PRUNE1: variants seen among roughly 807,000 people sequenced by gnomAD.
The protein encoded by PRUNE1 is exopolyphosphatase PRUNE1.
Under a neutral mutation model 42.5 loss-of-function variants are expected in PRUNE1, and 25 were observed. The ratio of observed to expected loss-of-function variants is 0.59; its 90% CI spans 0.43 to 0.82. PRUNE1 has a LOEUF of 0.82. Among genes scored for constraint, PRUNE1 ranks in the 40% least tolerant of loss-of-function variants. The pLI, the probability that PRUNE1 is intolerant of heterozygous loss-of-function variation, is 0.00. For missense variants in PRUNE1, 443 were observed against 539.3 expected, an observed-to-expected ratio of 0.82 and a Z score of 1.77; for synonymous variants, 203 against 217.1, an observed-to-expected ratio of 0.93 and a Z score of 0.57.
intron 3 of PRUNE1, among the ~76,000 whole-genome samples, chr1:151,020,709 C>T (rs779957655): frequency 4.0e-5 from 6 of 151,354 alleles, no homozygotes; most frequent in South Asian, 2.1e-4. Flanking sequence ...AGGCCAGGCG[C>T]GGTGGCTCAT....
intron 1 of PRUNE1, among the ~76,000 whole-genome samples, chr1:151,010,745 T>A (rs903699190): frequency 2.6e-5 from 4 of 151,386 alleles, no homozygotes; most frequent in African/African-American, 9.7e-5. Context: ...AACCTCCACT[T>A]CCCGAATTCA....
At position 151,024,691 on chromosome 1, in the gene PRUNE1, A is replaced by C; in HGVS notation, c.416A>C (p.His139Pro). The change falls in exon 4 of 8, where the codon CAT (histidine) becomes CCT (proline). Residue 139 changes from histidine (H) to proline (P), a missense_variant. Physicochemically the swap from His to Pro is moderately conservative, Grantham distance 77. Coordinates refer to ENST00000271620, the MANE Select transcript of PRUNE1 (RefSeq NM_021222.3). ...GAGCCGAAACACTGCCCTCCCTGCC[A>C]TGTTTCAGTTGAGCTGGTGGGGTCC... The part of the protein sequence containing the change: ...PIEPKHCPPC[H>P]VSVELVGSCA... 1 of 1,614,004 alleles carries C rather than the reference A, an allele frequency of 6.2e-7. No individual in the cohort carries two copies. The highest frequency in any genetic ancestry group is 8.5e-7 in the Non-Finnish European group (1 of 1,179,936).
At chr1:151,024,846 A>G (rs993583513) in intron 4 of PRUNE1, 51 bp downstream of exon 4, 2 of 1,534,078 alleles carry the variant, frequency 1.3e-6, no homozygotes, top group African/African-American at 2.7e-5. Context: ...CCTGTCCCTG[A>G]GAAGGGAGGG....
intron 3 of PRUNE1, among the ~76,000 whole-genome samples, chr1:151,021,332 G>T (rs1411765506): frequency 2.0e-5 from 3 of 151,688 alleles, no homozygotes; most frequent in Admixed American, 2.0e-4. Flanking sequence ...GCACATGCCT[G>T]TAATCCCAGC....
chr1:151,033,469 C>T (rs1381536341), intron 7 of PRUNE1, among the ~76,000 whole-genome samples: 1 of 149,110 alleles, frequency 6.7e-6, no homozygotes. Context: ...CCGCTCACTG[C>T]AAGCTCCGCC....
intron 3 of PRUNE1, among the ~76,000 whole-genome samples, chr1:151,021,016 C>T (rs1207207471): frequency 2.0e-5 from 3 of 151,082 alleles, no homozygotes; most frequent in African/African-American, 7.3e-5. Context: ...CGTGGTGGCT[C>T]GCGCCTGTAA....
At chr1:151,019,588 A>G (rs1252556284) in intron 3 of PRUNE1, among the ~76,000 whole-genome samples, 1 of 150,312 alleles carries the variant, frequency 6.7e-6, no homozygotes, top group Non-Finnish European at 1.5e-5. Flanking sequence ...TCTGAGACAG[A>G]TTTATTGTAA....
chr1:151,023,140 G>T (rs1674580129), intron 3 of PRUNE1, among the ~76,000 whole-genome samples: 1 of 152,170 alleles, frequency 6.6e-6, no homozygotes, highest in South Asian at 2.1e-4. Flanking sequence ...TTTTATTTTA[G>T]GCCGTGGGGA....
Position 151,027,276 on chromosome 1 carries a change from C to T in PRUNE1, c.723C>T (p.Ile241=). Residue 241 remains isoleucine (I), a synonymous_variant, in exon 6 of 8, where the codon ATC becomes ATT. Transcript: ENST00000271620. ...EQMLRKDQKT[I]YRQGVKVAIS... ...TGCTGAGAAAAGACCAGAAGACTATCTATAGACAAGGCGTCAAGGTGGCCA... is the reference window on the plus strand; with the variant it reads ...TGCTGAGAAAAGACCAGAAGACTATTTATAGACAAGGCGTCAAGGTGGCCA... 6.2e-7 allele frequency: 1 copy of T among 1,611,890 alleles called. No homozygotes were observed. Among genetic ancestry groups the T allele is most frequent in the Non-Finnish European group, 8.5e-7 (1 of 1,178,098 alleles).
At chr1:151,026,447 A>G in intron 5 of PRUNE1, among the ~76,000 whole-genome samples, 1 of 151,996 alleles carries the variant, frequency 6.6e-6, no homozygotes, top group East Asian at 1.9e-4. Context: ...AACGACAGCG[A>G]AACTCCGTCT....
At chr1:151,032,630 C>A (rs1330626541) in intron 7 of PRUNE1, among the ~76,000 whole-genome samples, 2 of 150,252 alleles carry the variant, frequency 1.3e-5, no homozygotes, top group East Asian at 4.0e-4. Context: ...AGGAGATTCA[C>A]TTGAACCGGG....
intron 3 of PRUNE1, among the ~76,000 whole-genome samples, chr1:151,023,858 A>G (rs1558082693): frequency 6.6e-6 from 1 of 151,908 alleles, no homozygotes; most frequent in Non-Finnish European, 1.5e-5. Context: ...TTGCTTATAC[A>G]CTATTTAAAG....
At chr1:151,011,585 C>T (rs999425006) in intron 1 of PRUNE1, among the ~76,000 whole-genome samples, 3 of 152,030 alleles carry the variant, frequency 2.0e-5, no homozygotes, top group South Asian at 2.1e-4. Context: ...CTTTCTGTCT[C>T]GTTTATTTTT....
chr1:151,024,508 A>C, intron 3 of PRUNE1, 103 bp from the exon 4 acceptor site: 1 of 1,106,764 alleles, frequency 9.0e-7, no homozygotes, highest in Non-Finnish European at 1.3e-6. Context: ...AAAAAAAAAG[A>C]CATCTGCATT....
At position 151,025,638 on chromosome 1, in the gene PRUNE1, T is replaced by A. The variant is rs778526777; in HGVS notation, c.644T>A (p.Phe215Tyr). 6.2e-7 allele frequency: 1 copy of A among 1,613,914 alleles called. No homozygotes were observed. The highest frequency in any genetic ancestry group is 1.1e-5 in the South Asian group (1 of 91,058). Residue 215 changes from phenylalanine to tyrosine, a missense_variant, in exon 5 of 8, where the codon TTT becomes TAT. Phe to Tyr is a conservative substitution (Grantham distance 22). Transcript: ENST00000271620. ...GACCTACCCAAGAGAAATGATATAT[T>A]TGATTCCCTACAAAAGGCAAAGTTT... ...FPDLPKRNDIFDSLQKAKFDV... is the reference protein window; with the variant it reads ...FPDLPKRNDIYDSLQKAKFDV...
intron 1 of PRUNE1, among the ~76,000 whole-genome samples, chr1:151,010,617 A>G (rs1303780246): frequency 1.3e-5 from 2 of 151,650 alleles, no homozygotes; most frequent in East Asian, 1.9e-4. Flanking sequence ...GAAGGTTAAC[A>G]GGGGAACTGA....
In PRUNE1 at chr1:151,034,141, G is replaced by T. The variant is rs755697039; in HGVS notation, c.1269G>T (p.Gln423His). ...NSLVDECPLDQGLPKLSAEAV... is the reference protein window; with the variant it reads ...NSLVDECPLDHGLPKLSAEAV... ...TGGTGGATGAGTGCCCTCTAGATCA[G>T]GGGCTGCCTAAACTCTCTGCTGAGG... Residue 423 changes from glutamine to histidine, a missense_variant, in exon 8 of 8, where the codon CAG becomes CAT. Physicochemically the swap from Gln to His is conservative, Grantham distance 24. Transcript: ENST00000271620. 2.5e-6 allele frequency: 4 copies of T among 1,614,062 alleles called. No homozygotes were observed. The highest frequency in any genetic ancestry group is 2.5e-6 in the Non-Finnish European group (3 of 1,180,040).
intron 3 of PRUNE1, among the ~76,000 whole-genome samples, chr1:151,023,765 G>A (rs1674635947): frequency 6.6e-6 from 1 of 151,710 alleles, no homozygotes; most frequent in African/African-American, 2.4e-5. Flanking sequence ...TATCAAGGGT[G>A]TCAAGGGTAT....
chr1:151,011,025 G>T (rs1338419965), intron 1 of PRUNE1, among the ~76,000 whole-genome samples: 2 of 152,142 alleles, frequency 1.3e-5, no homozygotes, highest in East Asian at 3.8e-4. Flanking sequence ...AAAGGGATAT[G>T]AAATGAAAAA....
Sources: gnomAD v4.1 joint callset for allele counts (sites outside exome capture counted in the v4.1 genomes callset) on GRCh38, gnomAD v4.1.1 for gene constraint, MANE v1.5 for transcripts, NCBI Gene and HGNC (gene_info 2026-07-23, HGNC 2026-07-21) for gene names.